KLHDC4: variants seen among roughly 807,000 people sequenced by gnomAD.
KLHDC4 encodes the protein kelch domain containing 4.
Under a neutral mutation model 62.4 loss-of-function variants are expected in KLHDC4, and 90 were observed. That is an observed-to-expected ratio of 1.44 (90% CI 1.22 to 1.72). The LOEUF (loss-of-function observed/expected upper bound fraction) is 1.72, where lower values mean the gene tolerates loss of function less well. Among genes scored for constraint, KLHDC4 ranks in the 40% most tolerant of loss-of-function variants. The probability of loss-of-function intolerance (pLI) is 0.00; values close to 1 mark genes in which losing one functional copy is unlikely to be tolerated. For missense variants in KLHDC4, 1,025 were observed against 699.7 expected, an observed-to-expected ratio of 1.47 and a Z score of -5.25; for synonymous variants, 386 against 284.4, an observed-to-expected ratio of 1.36 and a Z score of -3.59.
exon 1 of KLHDC4, chr16:87,698,839 G>A (rs562817926): frequency 6.6e-6 from 1 of 152,354 alleles, no homozygotes; most frequent in South Asian, 2.1e-4. Flanking sequence ...AGTCGGGCAG[G>A]GCAGGACAGC....
intron 7 of KLHDC4, among the ~76,000 whole-genome samples, chr16:87,723,559 A>G (rs1234008620): frequency 2.0e-5 from 3 of 152,402 alleles, no homozygotes; most frequent in South Asian, 2.1e-4. Context: ...GCCCTCCCAC[A>G]TGCCAGAATA....
chr16:87,765,058 G>A (rs1364464761), intron 1 of KLHDC4: 1 of 453,686 alleles, frequency 2.2e-6, no homozygotes, highest in Non-Finnish European at 4.4e-6. Flanking sequence ...CAGTGCTACG[G>A]AACTGACCTG....
downstream of KLHDC4, among the ~76,000 whole-genome samples, chr16:87,706,448 C>G (rs535772250): frequency 6.7e-6 from 1 of 148,428 alleles, no homozygotes; most frequent in African/African-American, 2.5e-5. Flanking sequence ...CGGAGGGGGC[C>G]GGCACAACGC....
At chr16:87,733,820 T>A (rs186887234) in intron 5 of KLHDC4, among the ~76,000 whole-genome samples, 63 of 152,260 alleles carry the variant, frequency 4.1e-4, no homozygotes, top group Non-Finnish European at 8.4e-4. Flanking sequence ...ATCCACTCCC[T>A]GGGATCCTCC....
At chr16:87,752,494 G>A (rs369317044) in intron 4 of KLHDC4, among the ~76,000 whole-genome samples, 12 of 151,988 alleles carry the variant, frequency 7.9e-5, no homozygotes, top group Non-Finnish European at 1.5e-4. Context: ...GCGCCACGAC[G>A]CCCAGGTAAT....
At chr16:87,758,145 G>A (rs1280719921) in intron 2 of KLHDC4, among the ~76,000 whole-genome samples, 1 of 152,220 alleles carries the variant, frequency 6.6e-6, no homozygotes, top group Admixed American at 6.5e-5. Flanking sequence ...ATAGAAACAT[G>A]TCATAGGCTG....
chr16:87,730,291 C>G (rs993530921), intron 6 of KLHDC4, among the ~76,000 whole-genome samples: 4 of 152,336 alleles, frequency 2.6e-5, no homozygotes, highest in African/African-American at 9.6e-5. Flanking sequence ...ACATCATTTG[C>G]AGGACCTGGT....
At chr16:87,716,536 C>T (rs1395437278) in intron 7 of KLHDC4, among the ~76,000 whole-genome samples, 1 of 152,136 alleles carries the variant, frequency 6.6e-6, no homozygotes, top group Non-Finnish European at 1.5e-5. Flanking sequence ...TCTGGCACCA[C>T]AAGATGCTCA....
intron 9 of KLHDC4, chr16:87,709,970 A>C (rs904693926): frequency 4.9e-5 from 19 of 385,770 alleles, no homozygotes; most frequent in Non-Finnish European, 8.4e-5. Context: ...ACCAGACCCC[A>C]CACACAGGGC....
At chr16:87,741,377 A>C (rs2042219087) in intron 5 of KLHDC4, among the ~76,000 whole-genome samples, 1 of 152,218 alleles carries the variant, frequency 6.6e-6, no homozygotes, top group Non-Finnish European at 1.5e-5. Flanking sequence ...AGCAGGCATC[A>C]AAGGCTGAGC....
intron 5 of KLHDC4, chr16:87,739,629 T>TCC (rs908772424): frequency 6.6e-6 from 1 of 151,696 alleles, no homozygotes; most frequent in African/African-American, 2.5e-5. Flanking sequence ...ACGTCATCCA[T>TCC]CCACACACCA....
intron 7 of KLHDC4, among the ~76,000 whole-genome samples, chr16:87,722,884 T>TGC: frequency 6.6e-6 from 1 of 152,336 alleles, no homozygotes; most frequent in Non-Finnish European, 1.5e-5. Context: ...CACCTCTACT[T>TGC]GCTCAGTGAA....
At chr16:87,736,280 C>G (rs2041293163) in intron 5 of KLHDC4, among the ~76,000 whole-genome samples, 2 of 152,194 alleles carry the variant, frequency 1.3e-5, no homozygotes, top group African/African-American at 2.4e-5. Context: ...TCTCAACACA[C>G]AGAAGGGAAG....
chr16:87,706,261 CTTGAGGGGG>C (rs2034691793), downstream of KLHDC4, among the ~76,000 whole-genome samples: 2 of 100,332 alleles, frequency 2.0e-5, no homozygotes, highest in Non-Finnish European at 3.8e-5. Flanking sequence ...AGCTGCAGCC[CTTGAGGGGG>C]TCGGTGGCGG....
intron 8 of KLHDC4, among the ~76,000 whole-genome samples, chr16:87,712,087 C>G (rs972477255): frequency 1.3e-5 from 2 of 151,760 alleles, no homozygotes; most frequent in African/African-American, 4.8e-5. Flanking sequence ...GAGCCTTCGC[C>G]TGGGGTCTGA....
chr16:87,758,542 G>A (rs2045355360), intron 2 of KLHDC4, among the ~76,000 whole-genome samples: 1 of 152,176 alleles, frequency 6.6e-6, no homozygotes, highest in African/African-American at 2.4e-5. Flanking sequence ...CAGGGGGCTG[G>A]GGGAGGGGAA....
intron 1 of KLHDC4, among the ~76,000 whole-genome samples, chr16:87,762,721 G>C (rs1338268324): frequency 6.6e-6 from 1 of 152,152 alleles, no homozygotes; most frequent in African/African-American, 2.4e-5. Flanking sequence ...TCAAGGTACT[G>C]ATGTGCCAGC....
intron 4 of KLHDC4, among the ~76,000 whole-genome samples, chr16:87,754,633 C>G (rs1345364664): frequency 1.3e-5 from 2 of 152,198 alleles, no homozygotes; most frequent in African/African-American, 4.8e-5. Flanking sequence ...CTAACTGTCA[C>G]AGAGTTGAAC....
chr16:87,730,156 G>A (rs1213023689), intron 6 of KLHDC4, among the ~76,000 whole-genome samples: 7 of 152,150 alleles, frequency 4.6e-5, no homozygotes, highest in Non-Finnish European at 1.0e-4. Flanking sequence ...GTTTCACTAT[G>A]TTGGCCACGC....
Sources: allele counts gnomAD v4.1 joint callset (sites outside exome capture counted in the v4.1 genomes callset), GRCh38; gene constraint gnomAD v4.1.1; transcripts MANE v1.5; gene names NCBI Gene and HGNC (gene_info 2026-07-23, HGNC 2026-07-21).